RCOR1: variants seen among roughly 807,000 people sequenced by gnomAD.
RCOR1 encodes the protein REST corepressor 1, also known as REST corepressor.
In RCOR1, 12 loss-of-function variants were observed where a neutral mutation model predicts 64.0. The observed-to-expected ratio is 0.19, with a 90% CI of 0.12 to 0.30. RCOR1 has a LOEUF of 0.30. Ranked by LOEUF, RCOR1 falls within the 10% of genes least tolerant of loss-of-function variation. The pLI, the probability that RCOR1 is intolerant of heterozygous loss-of-function variation, is 1.00. For missense variants in RCOR1, 502 were observed against 621.2 expected, an observed-to-expected ratio of 0.81 and a Z score of 2.04; for synonymous variants, 279 against 227.2, an observed-to-expected ratio of 1.23 and a Z score of -2.05.
intron 11 of RCOR1, among the ~76,000 whole-genome samples, chr14:102,723,086 C>G (rs1896194191): frequency 6.6e-6 from 1 of 152,230 alleles, no homozygotes; most frequent in African/African-American, 2.4e-5. Context: ...TCCCTCTATT[C>G]CCAGAGCAGA....
intron 2 of RCOR1, among the ~76,000 whole-genome samples, chr14:102,641,950 G>T (rs749616576): frequency 3.9e-5 from 6 of 152,108 alleles, no homozygotes; most frequent in African/African-American, 7.2e-5. Context: ...GGGAATTTGA[G>T]CAGCACTGAA....
At chr14:102,663,196 T>C (rs1296501393) in intron 2 of RCOR1, among the ~76,000 whole-genome samples, 1 of 152,190 alleles carries the variant, frequency 6.6e-6, no homozygotes, top group African/African-American at 2.4e-5. Flanking sequence ...ACTGAGTTGC[T>C]CCTCCTTGCC....
intron 2 of RCOR1, among the ~76,000 whole-genome samples, chr14:102,618,053 A>C (rs1893800705): frequency 7.1e-6 from 1 of 141,398 alleles, no homozygotes; most frequent in African/African-American, 2.7e-5. Flanking sequence ...CAGTCACTGC[A>C]ACCTCCGCTT....
chr14:102,598,447 C>CTTT (rs34776749), intron 2 of RCOR1, among the ~76,000 whole-genome samples: 12 of 127,264 alleles, frequency 9.4e-5, no homozygotes, highest in Non-Finnish European at 9.8e-5. Context: ...TGATTCAGTT[C>CTTT]TTTTTTTTTT....
intron 2 of RCOR1, chr14:102,658,070 G>A: frequency 2.4e-6 from 1 of 413,164 alleles, no homozygotes; most frequent in Non-Finnish European, 3.3e-6. Context: ...TGCCTCCCAG[G>A]TTCAGGTGAT....
At chr14:102,723,839 T>G (rs1303310649) in intron 11 of RCOR1, among the ~76,000 whole-genome samples, 1 of 152,174 alleles carries the variant, frequency 6.6e-6, no homozygotes, top group African/African-American at 2.4e-5. Context: ...CAGAAACAGT[T>G]GGGAACGCTG....
At chr14:102,632,111 C>T (rs1434189133) in intron 2 of RCOR1, among the ~76,000 whole-genome samples, 1 of 149,390 alleles carries the variant, frequency 6.7e-6, no homozygotes, top group Non-Finnish European at 1.5e-5. Flanking sequence ...TGCCGAGCCA[C>T]CATCAGATTT....
In RCOR1 at chr14:102,722,248, G is replaced by C. The variant is rs763667296; in HGVS notation, c.1251G>C (p.Val417=). Residue 417 remains valine, a synonymous_variant, in exon 11 of 12, where the codon GTG becomes GTC. Transcript: ENST00000262241. The part of the protein sequence containing the change: ...AISDVIGNKS[V]VQVKNFFVNY... Reference sequence around the variant, plus strand: ...CAGACGTGATTGGGAACAAATCAGTGGTACAAGTGAAAAACTTTTTTGTAA... The same window carrying C: ...CAGACGTGATTGGGAACAAATCAGTCGTACAAGTGAAAAACTTTTTTGTAA... 6.2e-7 allele frequency: 1 copy of C among 1,614,160 alleles called. No individual in the cohort carries two copies.
intron 2 of RCOR1, among the ~76,000 whole-genome samples, chr14:102,625,945 C>G (rs1893972144): frequency 6.6e-6 from 1 of 152,156 alleles, no homozygotes; most frequent in African/African-American, 2.4e-5. Context: ...GTTCCTTGAC[C>G]TCTATTCCTG....
intron 5 of RCOR1, 79 bp from the exon 6 acceptor site, chr14:102,708,386 C>T (rs1012920968): frequency 3.1e-5 from 26 of 839,018 alleles, no homozygotes; most frequent in East Asian, 1.3e-4. Context: ...AGGCGTGAGC[C>T]GCTGCGCCCG....
At chr14:102,593,428 C>A in intron 2 of RCOR1, 103 bp downstream of exon 2, 1 of 1,235,186 alleles carries the variant, frequency 8.1e-7, no homozygotes, top group Non-Finnish European at 1.1e-6. Context: ...TCTTTTTGTG[C>A]GTTCGCCCTG....
intron 3 of RCOR1, among the ~76,000 whole-genome samples, chr14:102,683,616 TG>T (rs1281247033): frequency 3.9e-5 from 6 of 152,200 alleles, no homozygotes; most frequent in Admixed American, 2.6e-4. Flanking sequence ...CAACTTCTCT[TG>T]GGAATCGGAG....
chr14:102,639,811 G>C (rs915366380), intron 2 of RCOR1, among the ~76,000 whole-genome samples: 1 of 132,270 alleles, frequency 7.6e-6, no homozygotes, highest in Non-Finnish European at 1.6e-5. Context: ...GGGGTTACAG[G>C]TGTGACACTG....
At chr14:102,632,016 G>T (rs1894122372) in intron 2 of RCOR1, among the ~76,000 whole-genome samples, 1 of 150,484 alleles carries the variant, frequency 6.6e-6, no homozygotes, top group African/African-American at 2.4e-5. Flanking sequence ...CACCATGTTG[G>T]CCAGGCTGGT....
intron 2 of RCOR1, chr14:102,649,777 T>C (rs1182884850): frequency 5.1e-6 from 5 of 984,944 alleles, no homozygotes; most frequent in East Asian, 1.1e-4. Context: ...TTAGCTAGAA[T>C]GGGCTTTGTT....
At position 102,656,684 on chromosome 14, in the gene RCOR1, G is replaced by T. The variant is rs1477781979; in HGVS notation, c.362-25211G>T. Among the ~76,000 whole-genome samples the T allele has an allele frequency of 2.0e-5, 3 of 151,950 alleles. No homozygotes were observed. In the East Asian group the frequency reaches 5.8e-4, roughly 29 times the overall value. On this transcript the variant is annotated intron_variant, in intron 2 of 11. Transcript: ENST00000262241. ...GGGTTTTACCATGTTGGCCAGGCTG[G>T]TCTTGAACTTCTGACTCAAGCGATC...
intron 2 of RCOR1, among the ~76,000 whole-genome samples, chr14:102,601,144 G>A (rs1893387427): frequency 6.6e-6 from 1 of 151,970 alleles, no homozygotes; most frequent in African/African-American, 2.4e-5. Flanking sequence ...AGCGTAGATG[G>A]CACCACTGCA....
intron 2 of RCOR1, among the ~76,000 whole-genome samples, chr14:102,614,264 AC>A: frequency 7.7e-6 from 1 of 129,204 alleles, no homozygotes; most frequent in South Asian, 2.4e-4. Flanking sequence ...TCGCTTTGTC[AC>A]CTAGGCTGGA....
At chr14:102,682,915 A>C (rs1206808351) in intron 3 of RCOR1, among the ~76,000 whole-genome samples, 1 of 151,920 alleles carries the variant, frequency 6.6e-6, no homozygotes, top group African/African-American at 2.4e-5. Context: ...CAAGTAGTTC[A>C]CTCCTGGGTC....
Sources: gnomAD v4.1 joint callset for allele counts (sites outside exome capture counted in the v4.1 genomes callset) on GRCh38, gnomAD v4.1.1 for gene constraint, MANE v1.5 for transcripts, NCBI Gene and HGNC (gene_info 2026-07-23, HGNC 2026-07-21) for gene names.